PLCG2: variants seen among roughly 807,000 people sequenced by gnomAD.
PLCG2 encodes 1-phosphatidylinositol 4,5-bisphosphate phosphodiesterase gamma-2.
In PLCG2, 69 loss-of-function variants were observed where a neutral mutation model predicts 175.6. The ratio of observed to expected loss-of-function variants is 0.39; its 90% CI spans 0.32 to 0.48. PLCG2 has a LOEUF of 0.48. PLCG2 is among the 20% of genes least tolerant of loss of function. PLCG2 has a pLI of 0.91. For missense variants in PLCG2, 1,798 were observed against 1,650.9 expected (o/e 1.09, Z -1.54); for synonymous variants, 827 against 624.0 (o/e 1.33, Z -4.85).
chr16:81,793,088 C>T (rs930999850), intron 2 of PLCG2, among the ~76,000 whole-genome samples: 2 of 152,180 alleles, frequency 1.3e-5, no homozygotes, highest in Non-Finnish European at 2.9e-5. Flanking sequence ...GGTGAGGACC[C>T]CCAAGGCCTG....
In PLCG2 at chr16:81,961,930, G is replaced by A. The variant is rs1489530500; in HGVS notation, c.*3932G>A. On this transcript the variant is annotated 3_prime_UTR_variant, in exon 33 of 33. Transcript: ENST00000564138. ...AAAATGTTAAGATTGCTGATCGGAT[G>A]TGAGGGCGATCTGGCTGCGACATCT... is the stretch of plus-strand genomic sequence containing the variant. 1.0e-5 allele frequency: 2 copies of A among 198,860 alleles called. No individual in the cohort carries two copies. Among genetic ancestry groups the A allele is most frequent in the Non-Finnish European group, 2.1e-5 (2 of 95,924 alleles). The allele number at this position is 198,860 out of a possible 1,614,324, so 12.3% of individuals were successfully genotyped here. A position where few individuals can be genotyped will look rare whatever the true frequency, so the allele number is the denominator to read the frequency against.
In PLCG2 at chr16:81,958,521, C is replaced by CT. The variant is rs61623587; in HGVS notation, c.*526dup. The stretch of plus-strand genomic sequence containing the variant: ...CAGGCAGCCTGCTCAGTTCAATGTA[C>CT]TTTAACTACCACCGGCTGCCTGCTG... On this transcript the variant is annotated 3_prime_UTR_variant, in exon 33 of 33. Coordinates refer to ENST00000564138, the MANE Select transcript of PLCG2 (RefSeq NM_002661.5). The CT allele has an allele frequency of 0.012, 2,748 of 232,028 alleles. 81 individuals carry two copies. Among genetic ancestry groups the CT allele is most frequent in the African/African-American group, 0.055 (2,490 of 45,346 alleles). 14.4% of individuals were successfully genotyped at this position (232,028 alleles called of 1,614,324 possible). A position where few individuals can be genotyped will look rare whatever the true frequency, so the allele number is the denominator to read the frequency against.
intron 2 of PLCG2, among the ~76,000 whole-genome samples, chr16:81,819,692 A>C (rs4888177): frequency 1 from 151,638 of 152,334 alleles, 75,473 homozygotes; most frequent in East Asian, 1. Context: ...TCAAGCGAAT[A>C]TCCTGCCTCA....
chr16:81,894,569 T>C (rs1169070017), intron 12 of PLCG2, among the ~76,000 whole-genome samples: 1 of 152,118 alleles, frequency 6.6e-6, no homozygotes, highest in Non-Finnish European at 1.5e-5. Flanking sequence ...TGGGTGCATT[T>C]GGCTGAGAAA....
intron 15 of PLCG2, 96 bp from the exon 16 acceptor site, chr16:81,907,589 T>G (rs1909430295): frequency 1.5e-6 from 1 of 681,826 alleles, no homozygotes; most frequent in Admixed American, 2.3e-5. Flanking sequence ...AGCACATCCA[T>G]AGTAGATGCT....
At chr16:81,782,523 T>G (rs1320754012) in intron 1 of PLCG2, among the ~76,000 whole-genome samples, 2 of 152,228 alleles carry the variant, frequency 1.3e-5, no homozygotes, top group African/African-American at 4.8e-5. Context: ...GCTGGAGACC[T>G]GAGCTGGGTG....
At chr16:81,889,514 G>T (rs1477899676) in intron 10 of PLCG2, 1 of 377,972 alleles carries the variant, frequency 2.6e-6, no homozygotes, top group Non-Finnish European at 4.8e-6. Flanking sequence ...AGAACCGATT[G>T]ATCAAGGCAG....
In PLCG2 at chr16:81,908,441, T is replaced by C; in HGVS notation, c.1583T>C (p.Phe528Ser). The C allele has an allele frequency of 3.1e-6, 5 of 1,614,028 alleles. No individual in the cohort carries two copies. Among genetic ancestry groups the C allele is most frequent in the East Asian group, 2.2e-5 (1 of 44,878 alleles). ...GATATACCCCCTACAGAACTACATT[T>C]TGGGGAGAAATGGTTCCACAAGAAG... ...PQDIPPTELHFGEKWFHKKVE... is the reference protein window; with the variant it reads ...PQDIPPTELHSGEKWFHKKVE... Residue 528 changes from phenylalanine to serine, a missense_variant, in exon 17 of 33, where the codon TTT (phenylalanine) becomes TCT (serine). Physicochemically the swap from Phe to Ser is radical, Grantham distance 155 (BLOSUM62 -2). Coordinates refer to ENST00000564138, the MANE Select transcript of PLCG2 (RefSeq NM_002661.5).
chr16:81,804,849 G>T (rs1301829306), intron 2 of PLCG2, among the ~76,000 whole-genome samples: 1 of 152,216 alleles, frequency 6.6e-6, no homozygotes, highest in South Asian at 2.1e-4. Context: ...ATGAGAGAGT[G>T]TTCTTGAAAG....
At chr16:81,877,450 G>A (rs1310290495) in intron 7 of PLCG2, among the ~76,000 whole-genome samples, 2 of 152,180 alleles carry the variant, frequency 1.3e-5, no homozygotes, top group Non-Finnish European at 2.9e-5. Context: ...GCGAGACTCC[G>A]TCTCAAACAA....
chr16:81,858,890 T>C (rs1479789914), intron 4 of PLCG2, among the ~76,000 whole-genome samples: 4 of 152,178 alleles, frequency 2.6e-5, no homozygotes, highest in South Asian at 2.1e-4. Context: ...TCAGAAGGAA[T>C]TGACAATGTA....
At chr16:81,894,746 A>T (rs1908801410) in intron 12 of PLCG2, among the ~76,000 whole-genome samples, 1 of 151,826 alleles carries the variant, frequency 6.6e-6, no homozygotes, top group African/African-American at 2.4e-5. Flanking sequence ...GGTGGTGCAC[A>T]TCTGTAATCC....
chr16:81,806,689 G>T (rs1012844092), intron 2 of PLCG2, among the ~76,000 whole-genome samples: 31 of 152,202 alleles, frequency 2.0e-4, no homozygotes, highest in African/African-American at 4.6e-4. Context: ...CTGAAAGGGG[G>T]ATCATGAGGG....
intron 22 of PLCG2, among the ~76,000 whole-genome samples, chr16:81,925,922 T>C (rs1019354146): frequency 1.3e-5 from 2 of 149,830 alleles, no homozygotes; most frequent in Non-Finnish European, 3.0e-5. Flanking sequence ...GGATATCATA[T>C]AGAGGGGAAG....
intron 2 of PLCG2, among the ~76,000 whole-genome samples, chr16:81,758,477 T>G (rs1416722370): frequency 6.6e-6 from 1 of 152,196 alleles, no homozygotes; most frequent in African/African-American, 2.4e-5. Context: ...TGTAAGTGTT[T>G]GTGTGGATGA....
At chr16:81,867,693 C>G (rs1182711406) in intron 5 of PLCG2, among the ~76,000 whole-genome samples, 13 of 151,916 alleles carry the variant, frequency 8.6e-5, no homozygotes, top group Admixed American at 7.9e-4. Flanking sequence ...CCTTGCTTCC[C>G]TCCCTTTTCT....
At position 81,919,485 on chromosome 16, in the gene PLCG2, G is replaced by A; in HGVS notation, c.2056G>A (p.Ala686Thr). Residue 686 changes from alanine (A) to threonine (T), a missense_variant and splice_region_variant, in exon 20 of 33, where the codon GCT becomes ACT. Coordinates refer to ENST00000564138, the MANE Select transcript of PLCG2 (RefSeq NM_002661.5). ...AACCCTGTGTTCTTCCTGCTCCAGG[G>A]CTAGGGGCAAGGTAAAGCATTGTCG... is the stretch of plus-strand genomic sequence containing the variant. ...GSDSYAITFR[A>T]RGKVKHCRIN... 6.2e-7 allele frequency: 1 copy of A among 1,613,072 alleles called. No individual in the cohort carries two copies. Among genetic ancestry groups the A allele is most frequent in the South Asian group, 1.1e-5 (1 of 91,050 alleles).
intron 2 of PLCG2, among the ~76,000 whole-genome samples, chr16:81,764,169 C>G (rs1218226873): frequency 6.6e-6 from 1 of 151,834 alleles, no homozygotes; most frequent in Non-Finnish European, 1.5e-5. Flanking sequence ...TGGTGTGAGC[C>G]TGTATCCCTA....
At position 81,883,294 on chromosome 16, in the gene PLCG2, G is replaced by T; in HGVS notation, c.718G>T (p.Ala240Ser). 1 of 1,614,146 alleles carries T rather than the reference G, an allele frequency of 6.2e-7. No individual in the cohort carries two copies. Among genetic ancestry groups the T allele is most frequent in the Non-Finnish European group, 8.5e-7 (1 of 1,180,004 alleles). The change falls in exon 9 of 33, where the codon GCT (alanine) becomes TCT (serine). Residue 240 changes from alanine (A) to serine (S), a missense_variant. Ala to Ser is a moderately conservative substitution (Grantham distance 99). Coordinates refer to ENST00000564138, the MANE Select transcript of PLCG2 (RefSeq NM_002661.5). ...LGNTDRPDAS[A>S]VYLHDFQRFL... is the part of the protein sequence containing the mutation. ...GAACACTGACAGGCCGGATGCCTCT[G>T]CTGTTTACCTGCATGACTTCCAGAG...
Sources: gnomAD v4.1 joint callset for allele counts (sites outside exome capture counted in the v4.1 genomes callset) on GRCh38, gnomAD v4.1.1 for gene constraint, MANE v1.5 for transcripts, NCBI Gene and HGNC (gene_info 2026-07-23, HGNC 2026-07-21) for gene names.